RTTN: variants seen among roughly 807,000 people sequenced by gnomAD.
RTTN encodes the protein rotatin.
Under a neutral mutation model 269.2 loss-of-function variants are expected in RTTN, and 182 were observed. The observed-to-expected ratio is 0.68, with a 90% CI of 0.60 to 0.76. The LOEUF (loss-of-function observed/expected upper bound fraction) is 0.76. RTTN is among the 30% of genes least tolerant of loss of function. The pLI is 0.00. For synonymous variants in RTTN, 1,006 were observed against 963.5 expected, an observed-to-expected ratio of 1.04 and a Z score of -0.82; for missense variants, 2,545 against 2,608.6, an observed-to-expected ratio of 0.98 and a Z score of 0.53.
chr18:70,059,386 A>G (rs537976932), intron 36 of RTTN, among the ~76,000 whole-genome samples: 193 of 152,340 alleles, frequency 1.3e-3, no homozygotes, highest in Middle Eastern at 3.4e-3. Context: ...TAATTTCCCT[A>G]AATTTTATCA....
At chr18:70,103,044 CTG>C in intron 28 of RTTN, among the ~76,000 whole-genome samples, 1 of 150,760 alleles carries the variant, frequency 6.6e-6, no homozygotes, top group South Asian at 2.1e-4. Context: ...CTCTGCCCAG[CTG>C]TCCCGTCTGG....
rs547327425 is a variant in RTTN at position 70,144,798 on chromosome 18, A to C, written c.2481+814T>G. 3.3e-5 allele frequency among the ~76,000 whole-genome samples: 5 copies of C among 152,036 alleles called. No individual in the cohort carries two copies. In the South Asian group the frequency reaches 6.3e-4, roughly 19 times the overall value. The stretch of plus-strand genomic sequence containing the variant: ...AAAAAGCAAACAAACAAACAAAAAA[A>C]CCGACTGTATTACATGTGGCTCTAC... On this transcript the variant is annotated intron_variant, in intron 18 of 48. Transcript: ENST00000640769.
chr18:70,193,650 C>T (rs2061734844), intron 7 of RTTN, among the ~76,000 whole-genome samples, 197 bp from the exon 8 acceptor site: 1 of 152,150 alleles, frequency 6.6e-6, no homozygotes. Context: ...ATCTAACTGA[C>T]TTGATTACAT....
intron 17 of RTTN, among the ~76,000 whole-genome samples, chr18:70,146,310 G>A (rs998819211): frequency 2.6e-5 from 4 of 152,146 alleles, no homozygotes; most frequent in Non-Finnish European, 5.9e-5. Flanking sequence ...GAAGGGATTA[G>A]GAATAAGGTC....
intron 14 of RTTN, among the ~76,000 whole-genome samples, chr18:70,160,098 C>T (rs376530100): frequency 5.9e-5 from 9 of 152,074 alleles, no homozygotes; most frequent in African/African-American, 1.9e-4. Flanking sequence ...CCAGCATCAT[C>T]CTGATACCAA....
chr18:70,034,216 G>A (rs2057104439), intron 40 of RTTN, among the ~76,000 whole-genome samples: 1 of 152,086 alleles, frequency 6.6e-6, no homozygotes, highest in Admixed American at 6.5e-5. Context: ...TATGAGGCTA[G>A]CATCATCCTG....
chr18:70,184,272 G>A (rs1312656062), intron 10 of RTTN, among the ~76,000 whole-genome samples: 1 of 152,178 alleles, frequency 6.6e-6, no homozygotes, highest in Non-Finnish European at 1.5e-5. Context: ...AGCTAAATAA[G>A]GCTGGGCACA....
At chr18:70,062,228 T>C (rs1370462059) in intron 35 of RTTN, among the ~76,000 whole-genome samples, 1 of 152,192 alleles carries the variant, frequency 6.6e-6, no homozygotes, top group Non-Finnish European at 1.5e-5. Flanking sequence ...CATGTTATTG[T>C]TTCCCATTTT....
At chr18:70,092,924 T>C in intron 28 of RTTN, 120 bp from the exon 29 acceptor site, 1 of 843,282 alleles carries the variant, frequency 1.2e-6, no homozygotes, top group Non-Finnish European at 1.7e-6. Flanking sequence ...GTTGTAATAT[T>C]TTTAGTTTAT....
At chr18:70,058,529 A>C (rs1284742091) in intron 36 of RTTN, among the ~76,000 whole-genome samples, 1 of 152,180 alleles carries the variant, frequency 6.6e-6, no homozygotes, top group Non-Finnish European at 1.5e-5. Flanking sequence ...AAAATAAATA[A>C]AAATAAAAAA....
rs143471549 is a variant in RTTN at position 70,128,511 on chromosome 18, G to A, written c.2990C>T (p.Ala997Val). 731 of 1,612,916 alleles carry A rather than the reference G, an allele frequency of 4.5e-4. 2 individuals carry two copies. The African/African-American group carries it at 8.7e-3, about 19-fold the overall frequency. Reference protein sequence around the residue: ...HLPVHVIGHHAVSPYSIVLPL... With the variant: ...HLPVHVIGHHVVSPYSIVLPL... ...CAAAACTATGGAGTAAGGACTCACA[G>A]CATGGTGTCCAATTACATGAACAGG... The change falls in exon 24 of 49, where the codon GCT (alanine) becomes GTT (valine). Residue 997 changes from alanine (A) to valine (V), a missense_variant. By Grantham distance (64) the Ala-to-Val change is moderately conservative. Transcript: ENST00000640769.
chr18:70,046,950 T>G (rs1164040899), intron 40 of RTTN, among the ~76,000 whole-genome samples: 5 of 152,210 alleles, frequency 3.3e-5, no homozygotes, highest in African/African-American at 1.2e-4. Flanking sequence ...GGCAATCCTT[T>G]CTGCATCTCA....
intron 32 of RTTN, among the ~76,000 whole-genome samples, chr18:70,079,613 T>C (rs1478761149): frequency 6.6e-6 from 1 of 152,162 alleles, no homozygotes; most frequent in Non-Finnish European, 1.5e-5. Context: ...TTCTGTATCA[T>C]GACTAGCCTT....
intron 37 of RTTN, 57 bp from the exon 38 acceptor site, chr18:70,054,341 G>C: frequency 6.8e-7 from 1 of 1,480,248 alleles, no homozygotes; most frequent in Admixed American, 2.2e-5. Flanking sequence ...GCCCATCTCA[G>C]TGATACAGCA....
chr18:70,025,370 CAG>C (rs2056824451), intron 43 of RTTN, among the ~76,000 whole-genome samples: 1 of 152,102 alleles, frequency 6.6e-6, no homozygotes, highest in African/African-American at 2.4e-5. Context: ...TGAAGTAACT[CAG>C]AGTCTTTATT....
chr18:70,203,397 G>C (rs992035578), intron 3 of RTTN, among the ~76,000 whole-genome samples: 3 of 152,080 alleles, frequency 2.0e-5, no homozygotes, highest in Admixed American at 2.0e-4. Context: ...TAGTAGTGAC[G>C]GGGCACCATG....
chr18:70,193,390 T>C lies in RTTN; in HGVS notation c.905A>G (p.Gln302Arg), dbSNP rs201044643. ...CHEARGTHHS[Q>R]NPSPGSSSPR... Reference sequence around the variant, plus strand: ...GCTGCTGCTTCCTGGGGAAGGATTCTGGGAATGATGAGTACCTCTTGCTTC... The same window carrying C: ...GCTGCTGCTTCCTGGGGAAGGATTCCGGGAATGATGAGTACCTCTTGCTTC... The change falls in exon 8 of 49, where the codon CAG becomes CGG. Residue 302 changes from glutamine (Q) to arginine (R), a missense_variant. Physicochemically the swap from Gln to Arg is conservative, Grantham distance 43 (BLOSUM62 1). Transcript: ENST00000640769. 1 of 1,608,254 alleles carries C rather than the reference T, an allele frequency of 6.2e-7. No individual in the cohort carries two copies. The highest frequency in any genetic ancestry group is 8.5e-7 in the Non-Finnish European group (1 of 1,177,642).
intron 29 of RTTN, 127 bp downstream of exon 29, chr18:70,092,549 G>A (rs974239699): frequency 3.5e-5 from 35 of 997,612 alleles, no homozygotes; most frequent in East Asian, 1.2e-4. Context: ...AATCATTCAC[G>A]TTACCTAAAA....
intron 30 of RTTN, among the ~76,000 whole-genome samples, chr18:70,088,690 C>T (rs2058764435): frequency 6.6e-6 from 1 of 152,096 alleles, no homozygotes; most frequent in Middle Eastern, 3.2e-3. Context: ...CTGTTCAAGC[C>T]ACACGTTTTG....
Sources: allele counts gnomAD v4.1 joint callset (sites outside exome capture counted in the v4.1 genomes callset), GRCh38; gene constraint gnomAD v4.1.1; transcripts MANE v1.5; gene names NCBI Gene and HGNC (gene_info 2026-07-23, HGNC 2026-07-21).